The following NAALADL2 variants were observed in gnomAD, a reference collection of about 807,000 sequenced individuals.
NAALADL2 encodes the protein N-acetylated alpha-linked acidic dipeptidase like 2, also known as inactive N-acetylated-alpha-linked acidic dipeptidase-like protein 2.
NAALADL2 carries 76 observed loss-of-function variants against 87.2 expected under a neutral mutation model. The ratio of observed to expected loss-of-function variants is 0.87; its 90% CI spans 0.72 to 1.05. NAALADL2 has a LOEUF of 1.05. Ranked by LOEUF, NAALADL2 falls within the 50% of genes least tolerant of loss-of-function variation. The pLI, the probability that NAALADL2 is intolerant of heterozygous loss-of-function variation, is 0.00. For missense variants in NAALADL2, 1,089 were observed against 945.8 expected (o/e 1.15, Z -1.99); for synonymous variants, 354 against 331.0 (o/e 1.07, Z -0.75).
Position 175,804,198 on chromosome 3 carries a change from A to G in NAALADL2, c.*995A>G, listed in dbSNP as rs2108366096. 6.6e-6 allele frequency: 1 copy of G among 151,770 alleles called. No homozygotes were observed. Among genetic ancestry groups the G allele is most frequent in the Admixed American group, 6.6e-5 (1 of 15,214 alleles). 9.4% of individuals were successfully genotyped at this position (151,770 alleles called of 1,614,324 possible). On this transcript the variant is annotated 3_prime_UTR_variant, in exon 14 of 14. Coordinates refer to ENST00000454872, the MANE Select transcript of NAALADL2 (RefSeq NM_207015.3). ...TCAAATTTCTATTTCTGCCTCTGAC[A>G]AAAAGAACTTACTATGAAAGAAATA...
intron 3 of NAALADL2, among the ~76,000 whole-genome samples, chr3:174,740,763 A>G (rs1451437247): frequency 6.6e-6 from 1 of 151,868 alleles, no homozygotes; most frequent in Non-Finnish European, 1.5e-5. Context: ...GACAAACTAC[A>G]AAAGTAATTA....
At chr3:175,059,994 G>C in intron 1 of NAALADL2, 1 of 433,874 alleles carries the variant, frequency 2.3e-6, no homozygotes, top group Non-Finnish European at 4.6e-6. Context: ...TGAGCACATG[G>C]AGGCCAGCAG....
intron 1 of NAALADL2, among the ~76,000 whole-genome samples, chr3:174,479,923 G>T (rs963316679): frequency 4.6e-5 from 7 of 152,022 alleles, no homozygotes; most frequent in East Asian, 1.9e-4. Flanking sequence ...GGGAATCAAA[G>T]AAGTTTATGA....
In NAALADL2 at chr3:175,403,375, T is replaced by C. The variant is rs186878208; in HGVS notation, c.1091-43854T>C. On this transcript the variant is annotated intron_variant, in intron 5 of 13. Transcript: ENST00000454872. ...TTTTGTAGATGTCTAAGAGATGCTT[T>C]TATTTGGTTGCTACAAAATGTCAGA... Among the ~76,000 whole-genome samples, 619 of 152,222 alleles carry C rather than the reference T, an allele frequency of 4.1e-3. 7 individuals carry two copies. Among genetic ancestry groups the C allele is most frequent in the African/African-American group, 0.014 (597 of 41,554 alleles).
chr3:175,738,565 C>T (rs1248196756), intron 12 of NAALADL2, among the ~76,000 whole-genome samples: 1 of 151,936 alleles, frequency 6.6e-6, no homozygotes, highest in Non-Finnish European at 1.5e-5. Flanking sequence ...TTTTCTTTAC[C>T]TGGATTGTTT....
intron 2 of NAALADL2, among the ~76,000 whole-genome samples, chr3:174,580,435 T>C (rs1367778178): frequency 6.6e-6 from 1 of 152,126 alleles, no homozygotes; most frequent in Non-Finnish European, 1.5e-5. Flanking sequence ...TATAATAAAC[T>C]GAACATATTT....
intron 2 of NAALADL2, among the ~76,000 whole-genome samples, chr3:174,587,316 C>T (rs1033645500): frequency 3.3e-5 from 5 of 152,056 alleles, no homozygotes; most frequent in South Asian, 2.1e-4. Context: ...TGATGGGTCT[C>T]GACTCTTTAT....
intron 2 of NAALADL2, among the ~76,000 whole-genome samples, chr3:174,571,533 C>T (rs1343289219): frequency 6.6e-6 from 1 of 152,134 alleles, no homozygotes; most frequent in Non-Finnish European, 1.5e-5. Flanking sequence ...GCATGTGCCA[C>T]CACACCCGGC....
chr3:175,786,992 C>G (rs1214579774), intron 13 of NAALADL2, among the ~76,000 whole-genome samples: 2 of 152,004 alleles, frequency 1.3e-5, no homozygotes, highest in Non-Finnish European at 2.9e-5. Flanking sequence ...CAGAGTGCCC[C>G]TGCTGGGGGG....
At chr3:174,801,325 G>A (rs183168009) in intron 3 of NAALADL2, among the ~76,000 whole-genome samples, 1 of 152,272 alleles carries the variant, frequency 6.6e-6, no homozygotes, top group East Asian at 1.9e-4. Flanking sequence ...GAGATCTGAT[G>A]GTTTGATAAA....
chr3:175,697,567 A>T (rs1366194197), intron 11 of NAALADL2, among the ~76,000 whole-genome samples: 1 of 151,736 alleles, frequency 6.6e-6, no homozygotes, highest in Non-Finnish European at 1.5e-5. Flanking sequence ...GTAGAAGTTG[A>T]GTTAGAGTTA....
intron 2 of NAALADL2, among the ~76,000 whole-genome samples, chr3:175,222,934 C>T (rs1326604149): frequency 6.6e-6 from 1 of 152,058 alleles, no homozygotes; most frequent in Non-Finnish European, 1.5e-5. Flanking sequence ...TGTGTTTCTG[C>T]ATTCAACCTG....
chr3:174,737,470 A>T (rs181244963), intron 2 of NAALADL2, among the ~76,000 whole-genome samples: 21 of 152,380 alleles, frequency 1.4e-4, no homozygotes, highest in African/African-American at 5.0e-4. Context: ...AAAAATAAAA[A>T]GTCTATACAT....
chr3:174,903,119 A>G (rs574225614), intron 1 of NAALADL2, among the ~76,000 whole-genome samples: 10 of 152,182 alleles, frequency 6.6e-5, no homozygotes, highest in Non-Finnish European at 1.5e-4. Context: ...AATAGAATGT[A>G]AAAGCAAATG....
chr3:175,606,605 T>C (rs1015713704), intron 10 of NAALADL2, among the ~76,000 whole-genome samples: 3 of 152,190 alleles, frequency 2.0e-5, no homozygotes, highest in South Asian at 2.1e-4. Context: ...CAGATCTTTC[T>C]GGTAGAGCAA....
intron 1 of NAALADL2, among the ~76,000 whole-genome samples, chr3:174,972,811 G>C (rs972332787): frequency 2.0e-5 from 3 of 151,878 alleles, no homozygotes; most frequent in African/African-American, 7.3e-5. Context: ...GACTCAACAT[G>C]GAGAAACCCT....
At chr3:175,040,600 C>A (rs1370891458) in intron 1 of NAALADL2, among the ~76,000 whole-genome samples, 4 of 152,148 alleles carry the variant, frequency 2.6e-5, no homozygotes, top group African/African-American at 9.7e-5. Context: ...TTCTGAGTAT[C>A]ATTTTATACC....
intron 1 of NAALADL2, among the ~76,000 whole-genome samples, chr3:174,928,364 C>T (rs1033033176): frequency 2.0e-5 from 3 of 152,132 alleles, no homozygotes; most frequent in Non-Finnish European, 2.9e-5. Context: ...CTCATCCTCT[C>T]GAGTACCTGG....
chr3:174,676,528 A>G (rs141084615), intron 2 of NAALADL2, among the ~76,000 whole-genome samples: 17 of 152,116 alleles, frequency 1.1e-4, no homozygotes, highest in Admixed American at 1.0e-3. Context: ...TGTATAATTG[A>G]AAGAACACTA....
Sources: allele counts gnomAD v4.1 joint callset (sites outside exome capture counted in the v4.1 genomes callset), GRCh38; gene constraint gnomAD v4.1.1; transcripts MANE v1.5; gene names NCBI Gene and HGNC (gene_info 2026-07-23, HGNC 2026-07-21).